The following ABI3BP variants were observed in gnomAD, a reference collection of about 807,000 sequenced individuals.
ABI3BP encodes the protein ABI family member 3 binding protein, also known as target of Nesh-SH3.
ABI3BP carries 216 observed loss-of-function variants against 268.6 expected under a neutral mutation model. That is an observed-to-expected ratio of 0.80 (90% CI 0.72 to 0.90). ABI3BP has a LOEUF of 0.90. Among genes scored for constraint, ABI3BP ranks in the 40% least tolerant of loss-of-function variants. The pLI is 0.00. For synonymous variants in ABI3BP, 730 were observed against 730.0 expected (o/e 1.00, Z 0.00); for missense variants, 2,090 against 2,182.4 (o/e 0.96, Z 0.84).
chr3:100,928,453 T>C (rs2062567635), intron 1 of ABI3BP, among the ~76,000 whole-genome samples: 2 of 151,996 alleles, frequency 1.3e-5, no homozygotes, highest in South Asian at 2.1e-4. Flanking sequence ...ACAGCCTCAA[T>C]AGAACCACAG....
intron 34 of ABI3BP, 81 bp from the exon 35 acceptor site, chr3:100,825,925 TG>T: frequency 1.0e-6 from 1 of 996,620 alleles, no homozygotes; most frequent in South Asian, 1.4e-5. Flanking sequence ...ATCTTGCTTG[TG>T]TAACACTGCC....
At chr3:100,807,347 A>T (rs769113346) in intron 50 of ABI3BP, among the ~76,000 whole-genome samples, 4 of 151,912 alleles carry the variant, frequency 2.6e-5, no homozygotes, top group Non-Finnish European at 5.9e-5. Flanking sequence ...ATGTATTATT[A>T]TTATTTAAAA....
chr3:100,829,658 T>C lies in ABI3BP; in HGVS notation c.2465A>G (p.Lys822Arg). Residue 822 changes from lysine (K) to arginine (R), a missense_variant, in exon 33 of 68, where the codon AAA becomes AGA. Physicochemically the swap from Lys to Arg is conservative, Grantham distance 26. Coordinates refer to ENST00000471714, the MANE Select transcript of ABI3BP (RefSeq NM_001375547.2). ...TEASGTTAAP[K>R]VPQRTHRPHP... The stretch of plus-strand genomic sequence containing the variant: ...TGGACGATGAGTTCGTTGAGGCACT[T>C]TGGGAGCTAAAGGAAGAAAACTTCA... 6.5e-7 allele frequency: 1 copy of C among 1,535,336 alleles called. No homozygotes were observed. The highest frequency in any genetic ancestry group is 8.7e-7 in the Non-Finnish European group (1 of 1,146,214).
intron 31 of ABI3BP, among the ~76,000 whole-genome samples, chr3:100,831,155 G>A (rs2098485329): frequency 6.6e-6 from 1 of 152,144 alleles, no homozygotes; most frequent in Admixed American, 6.6e-5. Context: ...CCTTGAGTGT[G>A]TGCTGGATCT....
chr3:100,803,159 G>A (rs1055173125), intron 51 of ABI3BP, among the ~76,000 whole-genome samples: 2 of 146,076 alleles, frequency 1.4e-5, no homozygotes, highest in Admixed American at 6.8e-5. Flanking sequence ...CACTAAGAGA[G>A]ACCCTAGTTC....
rs1249133480 is a variant in ABI3BP at position 100,822,641 on chromosome 3, T to C, written c.2835A>G (p.Pro945=). The C allele has an allele frequency of 6.5e-7, 1 of 1,536,530 alleles. No homozygotes were observed. The highest frequency in any genetic ancestry group is 8.7e-7 in the Non-Finnish European group (1 of 1,146,990). ...ASKTSQRTRR[P]RLRTKTTPRP... is the part of the protein sequence containing the mutation. Reference sequence around the variant, plus strand: ...GTGGTGTGGTTTTTGTTCTGAGACGTGGACGACGTGTCCGTTGTGATGTTT... The same window carrying C: ...GTGGTGTGGTTTTTGTTCTGAGACGCGGACGACGTGTCCGTTGTGATGTTT... Residue 945 remains proline (P), a synonymous_variant, in exon 38 of 68, where the codon CCA becomes CCG. Coordinates refer to ENST00000471714, the MANE Select transcript of ABI3BP (RefSeq NM_001375547.2).
chr3:100,801,070 A>G (rs1233114133), intron 51 of ABI3BP, among the ~76,000 whole-genome samples: 1 of 152,050 alleles, frequency 6.6e-6, no homozygotes, highest in Non-Finnish European at 1.5e-5. Flanking sequence ...ATCCCTAAGC[A>G]TGGAACCAGG....
intron 1 of ABI3BP, among the ~76,000 whole-genome samples, chr3:100,985,141 C>CTTT (rs1172049956): frequency 3.3e-3 from 264 of 79,830 alleles, no homozygotes; most frequent in Middle Eastern, 0.01. Context: ...CAGAAAAGCA[C>CTTT]TTTTTTTTTT....
intron 1 of ABI3BP, among the ~76,000 whole-genome samples, chr3:100,927,240 G>A (rs1248836909): frequency 6.6e-6 from 1 of 152,074 alleles, no homozygotes; most frequent in Admixed American, 6.6e-5. Context: ...GGCAACAGAG[G>A]CAAATAATCA....
intron 32 of ABI3BP, among the ~76,000 whole-genome samples, chr3:100,830,100 TACATACATAC>T (rs2098458436): frequency 3.1e-5 from 2 of 65,332 alleles, no homozygotes; most frequent in African/African-American, 1.4e-4. Context: ...TATACATACA[TACATACATAC>T]ATATATATAT....
chr3:100,959,161 C>T (rs1048185858), intron 1 of ABI3BP, among the ~76,000 whole-genome samples: 1 of 152,138 alleles, frequency 6.6e-6, no homozygotes, highest in African/African-American at 2.4e-5. Flanking sequence ...GAGTGAGAAA[C>T]CCCACTCGTA....
chr3:100,772,852 G>GT (rs1209758524), intron 61 of ABI3BP, among the ~76,000 whole-genome samples: 4 of 152,104 alleles, frequency 2.6e-5, no homozygotes, highest in Admixed American at 1.3e-4. Context: ...GCCGAGATGG[G>GT]TGGATCACTG....
In ABI3BP at chr3:100,794,983, T is replaced by A; in HGVS notation, c.3886A>T (p.Ile1296Phe). The A allele has an allele frequency of 6.4e-7, 1 of 1,553,674 alleles. No homozygotes were observed. Among genetic ancestry groups the A allele is most frequent in the South Asian group, 1.2e-5 (1 of 81,350 alleles). The change falls in exon 54 of 68, where the codon ATC becomes TTC. Residue 1296 changes from isoleucine (I) to phenylalanine (F), a missense_variant. Physicochemically the swap from Ile to Phe is conservative, Grantham distance 21. Transcript: ENST00000471714. Reference protein sequence around the residue: ...TTIAPLETRGIPFIPMISPSP... With the variant: ...TTIAPLETRGFPFIPMISPSP... ...GGGGAAATCATGGGTATAAAAGGGA[T>A]GCCTCGTGTCTCTAGAGGAGCTGCA...
intron 1 of ABI3BP, among the ~76,000 whole-genome samples, chr3:100,949,463 G>A (rs559755205): frequency 7.2e-5 from 11 of 152,090 alleles, no homozygotes; most frequent in East Asian, 3.9e-4. Context: ...ATGGAGTTTC[G>A]CCACGTTGAT....
intron 2 of ABI3BP, among the ~76,000 whole-genome samples, chr3:100,914,184 A>C (rs182628883): frequency 6.6e-6 from 1 of 152,294 alleles, no homozygotes; most frequent in East Asian, 1.9e-4. Flanking sequence ...GAAAAAAAAA[A>C]CTTTTCCTTC....
intron 11 of ABI3BP, 114 bp downstream of exon 11, chr3:100,864,719 G>A (rs2099032634): frequency 8.2e-6 from 6 of 728,962 alleles, no homozygotes; most frequent in African/African-American, 3.6e-5. Flanking sequence ...AGGAAAAGGA[G>A]AAAGTGGGGA....
intron 2 of ABI3BP, among the ~76,000 whole-genome samples, chr3:100,903,032 C>T (rs553732415): frequency 1.3e-5 from 2 of 152,258 alleles, no homozygotes; most frequent in East Asian, 1.9e-4. Flanking sequence ...CCCCATGCCT[C>T]AAGGAGAGCC....
At chr3:100,942,559 T>C (rs2153719408) in intron 1 of ABI3BP, among the ~76,000 whole-genome samples, 1 of 152,248 alleles carries the variant, frequency 6.6e-6, no homozygotes, top group South Asian at 2.1e-4. Context: ...CTTCTTTTTG[T>C]TCTTTGCTTA....
rs185166824 is a variant in ABI3BP at position 100,824,917 on chromosome 3, C to T, written c.2687G>A (p.Arg896His). 3.3e-5 allele frequency: 51 copies of T among 1,535,542 alleles called. No individual in the cohort carries two copies. The highest frequency in any genetic ancestry group is 1.2e-4 in the Admixed American group (6 of 50,940). The change falls in exon 36 of 68, where the codon CGC (arginine) becomes CAC (histidine). Residue 896 changes from arginine to histidine, a missense_variant. By Grantham distance (29) the Arg-to-His change is conservative. Coordinates refer to ENST00000471714, the MANE Select transcript of ABI3BP (RefSeq NM_001375547.2). The part of the protein sequence containing the change: ...TLATKTSKRT[R>H]PPRPRPKTTP... Reference sequence around the variant, plus strand: ...AGTTTTAGGTCTGGGACGTGGAGGGCGGGTTCTTTTTGATGTTTTGGTAGC... The same window carrying T: ...AGTTTTAGGTCTGGGACGTGGAGGGTGGGTTCTTTTTGATGTTTTGGTAGC...
Sources: gnomAD v4.1 joint callset for allele counts (sites outside exome capture counted in the v4.1 genomes callset) on GRCh38, gnomAD v4.1.1 for gene constraint, MANE v1.5 for transcripts, NCBI Gene and HGNC (gene_info 2026-07-23, HGNC 2026-07-21) for gene names.